ZFYVE26: variants seen among roughly 807,000 people sequenced by gnomAD.
ZFYVE26 encodes zinc finger FYVE-type containing 26, also known as zinc finger FYVE domain-containing protein 26.
ZFYVE26 carries 181 observed loss-of-function variants against 276.5 expected under a neutral mutation model. The observed-to-expected ratio is 0.65, with a 90% CI of 0.58 to 0.74. ZFYVE26 has a LOEUF of 0.74. Ranked by LOEUF, ZFYVE26 falls within the 30% of genes least tolerant of loss-of-function variation. The pLI is 0.00. For missense variants in ZFYVE26, 2,821 were observed against 3,097.9 expected (o/e 0.91, Z 2.12); for synonymous variants, 1,129 against 1,203.1 (o/e 0.94, Z 1.27).
intron 13 of ZFYVE26, chr14:67,733,758 G>T: frequency 6.2e-7 from 1 of 1,612,620 alleles, no homozygotes; most frequent in South Asian, 1.1e-5. Context: ...ACTGCAAGAG[G>T]ACCTGGGTGT....
At position 67,754,022 on chromosome 14, in the gene ZFYVE26, T is replaced by C. The variant is rs373191453; in HGVS notation, c.7128+49A>G. 3 of 1,613,548 alleles carry C rather than the reference T, an allele frequency of 1.9e-6. No homozygotes were observed. In the African/African-American group the frequency reaches 4.0e-5, roughly 22 times the overall value. On this transcript the variant is annotated intron_variant, in intron 38 of 41. Coordinates refer to ENST00000347230, the MANE Select transcript of ZFYVE26 (RefSeq NM_015346.4). ...TAGACAACTGCAATTATGATAAGTG[T>C]TCTAAAAGATGACAATAGTCTGCCA...
At chr14:67,742,099 G>A (rs142335819), downstream of ZFYVE26, among the ~76,000 whole-genome samples, 2 of 152,260 alleles carry the variant, frequency 1.3e-5, no homozygotes, top group Admixed American at 1.3e-4. Flanking sequence ...ATGAATCACT[G>A]GTCACCAACA....
At chr14:67,779,194 A>G (rs757046820) in intron 23 of ZFYVE26, among the ~76,000 whole-genome samples, 2 of 152,068 alleles carry the variant, frequency 1.3e-5, no homozygotes, top group Non-Finnish European at 2.9e-5. Flanking sequence ...ATTCAAATTT[A>G]TTAGTTATCA....
Position 67,798,087 on chromosome 14 carries a change from G to A in ZFYVE26, c.2175C>T (p.Arg725=), listed in dbSNP as rs1409039782. The change falls in exon 11 of 42, where the codon CGC becomes CGT. Residue 725 remains arginine (R), a synonymous_variant. Transcript: ENST00000347230. The stretch of plus-strand genomic sequence containing the variant: ...AGACAACCTTGGAAAGTCGATGCAG[G>A]CGGCTCTGCAGTCCATCTCTGCTTC... ...CSGSRDGLQS[R]LHRLSKVVSE... 6.2e-7 allele frequency: 1 copy of A among 1,614,030 alleles called. No homozygotes were observed. The highest frequency in any genetic ancestry group is 8.5e-7 in the Non-Finnish European group (1 of 1,180,040).
chr14:67,797,711 T>G lies in ZFYVE26; in HGVS notation c.2293A>C (p.Ser765Arg), dbSNP rs1254405778. 6.2e-7 allele frequency: 1 copy of G among 1,614,192 alleles called. No individual in the cohort carries two copies. Among genetic ancestry groups the G allele is most frequent in the African/African-American group, 1.3e-5 (1 of 75,046 alleles). The change falls in exon 12 of 42, where the codon AGT (serine) becomes CGT (arginine). Residue 765 changes from serine to arginine, a missense_variant. Ser to Arg is a moderately radical substitution (Grantham distance 110). Transcript: ENST00000347230. ...CTTGTCCGACGACCCCGGCGGAGACTGGGGTGACGTGTGGCAGGCTGGTAT... is the reference window on the plus strand; with the variant it reads ...CTTGTCCGACGACCCCGGCGGAGACGGGGGTGACGTGTGGCAGGCTGGTAT... ...RRYQPATRHP[S>R]LRRGRRTRRS...
chr14:67,759,627 A>AAAAAG (rs1286656299), intron 35 of ZFYVE26, among the ~76,000 whole-genome samples: 1 of 151,772 alleles, frequency 6.6e-6, no homozygotes, highest in East Asian at 1.9e-4. Context: ...TGGCTCAAAA[A>AAAAAG]AAAAAAAAAA....
rs1223094101 is a variant in ZFYVE26, at chr14:67,754,163, G to A, written c.7036C>T (p.Arg2346Trp). Reference sequence around the variant, plus strand: ...TGAGAGGTCCCAGCACTTTCGCACCGATGCAAGAACCTGGTCACTTCCATC... The same window carrying A: ...TGAGAGGTCCCAGCACTTTCGCACCAATGCAAGAACCTGGTCACTTCCATC... Reference protein sequence around the residue: ...LQMEVTRFLHRCESAGTSQIT... With the variant: ...LQMEVTRFLHWCESAGTSQIT... The change falls in exon 38 of 42, where the codon CGG becomes TGG. Residue 2346 changes from arginine to tryptophan, a missense_variant. Transcript: ENST00000347230. 7.4e-6 allele frequency: 12 copies of A among 1,614,112 alleles called. No homozygotes were observed. The highest frequency in any genetic ancestry group is 2.2e-5 in the East Asian group (1 of 44,906).
chr14:67,778,169 A>C lies in ZFYVE26; in HGVS notation c.4754T>G (p.Leu1585Arg). The change falls in exon 24 of 42, where the codon CTT becomes CGT. Residue 1585 changes from leucine (L) to arginine (R), a missense_variant. Leu to Arg is a moderately radical substitution (Grantham distance 102, BLOSUM62 -2). Coordinates refer to ENST00000347230, the MANE Select transcript of ZFYVE26 (RefSeq NM_015346.4). ...ATCTCTTCTTTCTAGAAGGTGGAGA[A>C]GATGCTTTTGATGAAGGCTGATTAA... Reference protein sequence around the residue: ...EHLISLHQKHLLHLLERRDHD... With the variant: ...EHLISLHQKHRLHLLERRDHD... 6.2e-7 allele frequency: 1 copy of C among 1,614,230 alleles called. No individual in the cohort carries two copies. Among genetic ancestry groups the C allele is most frequent in the Non-Finnish European group, 8.5e-7 (1 of 1,180,024 alleles).
intron 35 of ZFYVE26, chr14:67,761,159 G>A (rs2038917504): frequency 2.9e-6 from 2 of 687,270 alleles, no homozygotes; most frequent in Non-Finnish European, 5.3e-6. Context: ...GGTGAGGGCA[G>A]TGATTTGGGA....
At chr14:67,781,644 G>A (rs1192921069) in intron 21 of ZFYVE26, 115 bp from the exon 22 acceptor site, 14 of 946,414 alleles carry the variant, frequency 1.5e-5, no homozygotes, top group Admixed American at 2.0e-5. Context: ...GGAGCTTGGA[G>A]GATCCTTAAG....
intron 14 of ZFYVE26, among the ~76,000 whole-genome samples, chr14:67,728,900 G>C (rs547047483): frequency 8.5e-5 from 13 of 152,234 alleles, no homozygotes; most frequent in Admixed American, 3.9e-4. Context: ...ACTACATGTT[G>C]TCATGTTTAT....
Position 67,775,728 on chromosome 14 carries a change from T to G in ZFYVE26, c.5221+132A>C, listed in dbSNP as rs184054002. The G allele has an allele frequency of 1.6e-3, 2,029 of 1,291,110 alleles. 2 individuals are homozygous for G. Among genetic ancestry groups the G allele is most frequent in the Non-Finnish European group, 2.0e-3 (1,829 of 910,934 alleles). The allele number at this position is 1,291,110 out of a possible 1,614,324, so 80.0% of individuals were successfully genotyped here. A position where few individuals can be genotyped will look rare whatever the true frequency, so the allele number is the denominator to read the frequency against. On this transcript the variant is annotated intron_variant, in intron 26 of 41. Transcript: ENST00000347230. ...AGATCTCTCCTATATAATAAAGAGA[T>G]AGCTCTTCTGAAGTGTATTCATTCA...
rs2140194086 is a variant in ZFYVE26 at position 67,762,294 on chromosome 14, G to C, written c.6278C>G (p.Pro2093Arg). The change falls in exon 34 of 42, where the codon CCA becomes CGA. Residue 2093 changes from proline (P) to arginine (R), a missense_variant. By Grantham distance (103) the Pro-to-Arg change is moderately radical (BLOSUM62 -2). Coordinates refer to ENST00000347230, the MANE Select transcript of ZFYVE26 (RefSeq NM_015346.4). Reference sequence around the variant, plus strand: ...ATGATTCAGCTGATTGAGGTCAAATGGGGGCTTCAGACAGCGACTGAACTT... The same window carrying C: ...ATGATTCAGCTGATTGAGGTCAAATCGGGGCTTCAGACAGCGACTGAACTT... ...REKFSRCLKPPFDLNQLNHGS... is the reference protein window; with the variant it reads ...REKFSRCLKPRFDLNQLNHGS... The C allele has an allele frequency of 1.2e-6, 2 of 1,614,144 alleles. No individual in the cohort carries two copies. The highest frequency in any genetic ancestry group is 1.7e-6 in the Non-Finnish European group (2 of 1,180,014).
chr14:67,787,750 T>A (rs868453480), intron 16 of ZFYVE26, among the ~76,000 whole-genome samples: 11 of 152,240 alleles, frequency 7.2e-5, no homozygotes, highest in African/African-American at 2.7e-4. Context: ...TAAGCCACTG[T>A]GTACTTTCTT....
In ZFYVE26 at chr14:67,785,126, C is replaced by T; in HGVS notation, c.3456G>A (p.Leu1152=). The change falls in exon 19 of 42, where the codon TTG becomes TTA. Residue 1152 remains leucine (L), a synonymous_variant. Transcript: ENST00000347230. Reference sequence around the variant, plus strand: ...TGCTGCAGTAACTGAAGAAGGTGCCCAAGTAGTCCATCTGCCTGCTGCCTG... The same window carrying T: ...TGCTGCAGTAACTGAAGAAGGTGCCTAAGTAGTCCATCTGCCTGCTGCCTG... ...TPSGSRQMDY[L]GTFFSYCSTL... 6.2e-7 allele frequency: 1 copy of T among 1,614,182 alleles called. No homozygotes were observed. Among genetic ancestry groups the T allele is most frequent in the Non-Finnish European group, 8.5e-7 (1 of 1,180,032 alleles).
intron 41 of ZFYVE26, among the ~76,000 whole-genome samples, chr14:67,750,117 C>G (rs535672128): frequency 1.3e-5 from 2 of 152,254 alleles, no homozygotes; most frequent in African/African-American, 4.8e-5. Flanking sequence ...AGGACCTGGG[C>G]GTCTGTCCTG....
At chr14:67,749,396 A>G (rs1279361801) in intron 41 of ZFYVE26, among the ~76,000 whole-genome samples, 2 of 152,090 alleles carry the variant, frequency 1.3e-5, no homozygotes, top group African/African-American at 2.4e-5. Context: ...GTATGTGTCT[A>G]TGTCCCAGGA....
intron 10 of ZFYVE26, chr14:67,799,418 A>AG (rs1233288579): frequency 1.2e-6 from 2 of 1,612,916 alleles, no homozygotes; most frequent in African/African-American, 2.7e-5. Flanking sequence ...GGAAGAGGCC[A>AG]AAGAAGCAGA....
chr14:67,784,240 G>A, intron 20 of ZFYVE26, 94 bp downstream of exon 20: 1 of 1,054,208 alleles, frequency 9.5e-7, no homozygotes, highest in Non-Finnish European at 1.5e-6. Flanking sequence ...CCCACTCTCT[G>A]TGCTAACCCC....
Sources: gnomAD v4.1 joint callset for allele counts (sites outside exome capture counted in the v4.1 genomes callset) on GRCh38, gnomAD v4.1.1 for gene constraint, MANE v1.5 for transcripts, NCBI Gene and HGNC (gene_info 2026-07-23, HGNC 2026-07-21) for gene names.